The following COL21A1 variants were observed in gnomAD, a reference collection of about 807,000 sequenced individuals.
The protein encoded by COL21A1 is collagen alpha-1(XXI) chain.
In COL21A1, 149 loss-of-function variants were observed where a neutral mutation model predicts 137.9. The ratio of observed to expected loss-of-function variants is 1.08; its 90% CI spans 0.95 to 1.24. The LOEUF (loss-of-function observed/expected upper bound fraction) is 1.24. Ranked by LOEUF, COL21A1 falls within the 50% of genes most tolerant of loss-of-function variation. The pLI is 0.00. For missense variants in COL21A1, 1,167 were observed against 1,158.4 expected (o/e 1.01, Z -0.11); for synonymous variants, 456 against 391.5 (o/e 1.16, Z -1.95).
At chr6:56,356,371 G>T (rs947999553) in intron 1 of COL21A1, among the ~76,000 whole-genome samples, 1 of 152,080 alleles carries the variant, frequency 6.6e-6, no homozygotes, top group Non-Finnish European at 1.5e-5. Flanking sequence ...TGTGAACTGC[G>T]ACATATTTAG....
intron 1 of COL21A1, among the ~76,000 whole-genome samples, chr6:56,380,963 C>T (rs978380300): frequency 4.6e-5 from 7 of 152,024 alleles, no homozygotes; most frequent in African/African-American, 1.4e-4. Context: ...TACAGAACAA[C>T]GTTACATATT....
At chr6:56,322,041 TG>T (rs1294480905) in intron 1 of COL21A1, among the ~76,000 whole-genome samples, 6 of 152,106 alleles carry the variant, frequency 3.9e-5, no homozygotes, top group Admixed American at 3.9e-4. Context: ...ACCAGCTAAG[TG>T]GTTGGACTGA....
chr6:56,098,546 TAA>T (rs1183344427), intron 17 of COL21A1, among the ~76,000 whole-genome samples: 1 of 28,694 alleles, frequency 3.5e-5, no homozygotes, highest in East Asian at 1.7e-3. Flanking sequence ...TATAAATATA[TAA>T]ATATATATAA....
chr6:56,301,134 T>G (rs1215485612), intron 1 of COL21A1, among the ~76,000 whole-genome samples: 1 of 152,136 alleles, frequency 6.6e-6, no homozygotes, highest in African/African-American at 2.4e-5. Flanking sequence ...CATCCTAATC[T>G]CTGGAACCTG....
chr6:56,393,427 A>G (rs1180579340), intron 1 of COL21A1, among the ~76,000 whole-genome samples: 2 of 152,132 alleles, frequency 1.3e-5, no homozygotes, highest in Non-Finnish European at 2.9e-5. Flanking sequence ...TCTCCAGAAT[A>G]TTGGTCTGGG....
At chr6:56,189,866 A>G (rs1013402732) in intron 1 of COL21A1, among the ~76,000 whole-genome samples, 15 of 152,194 alleles carry the variant, frequency 9.9e-5, no homozygotes, top group Non-Finnish European at 1.6e-4. Flanking sequence ...ATCCAGCCAA[A>G]CTAAGCTTCA....
intron 17 of COL21A1, among the ~76,000 whole-genome samples, chr6:56,085,849 A>G (rs1420366327): frequency 6.6e-6 from 1 of 150,986 alleles, no homozygotes; most frequent in Admixed American, 6.6e-5. Context: ...TGTTCTTTAT[A>G]TATTTTTTTC....
At chr6:56,184,866 C>G (rs1262516279) in intron 1 of COL21A1, among the ~76,000 whole-genome samples, 3 of 152,098 alleles carry the variant, frequency 2.0e-5, no homozygotes, top group Admixed American at 2.0e-4. Context: ...AGGACTTTGG[C>G]TATTTCACCT....
intron 14 of COL21A1, among the ~76,000 whole-genome samples, chr6:56,124,938 C>A (rs1391111065): frequency 1.3e-5 from 2 of 151,788 alleles, no homozygotes; most frequent in African/African-American, 4.8e-5. Flanking sequence ...AGCCACCGCG[C>A]CCGGCCTTCA....
chr6:56,326,256 A>T lies in COL21A1; in HGVS notation c.-39+67715T>A, dbSNP rs567392308. On this transcript the variant is annotated intron_variant, in intron 1 of 28. Coordinates refer to the COL21A1 transcript ENST00000370819. ...TAATTAAGTTTTAAAAACCTTTTGA[A>T]CATACTGAAAGTAATCAATGGAGGT... Among the ~76,000 whole-genome samples the T allele has an allele frequency of 1.9e-4, 28 of 151,184 alleles. No individual in the cohort carries two copies. In the South Asian group the frequency reaches 3.5e-3, roughly 19 times the overall value.
chr6:56,159,716 T>C (rs1308694526), intron 9 of COL21A1, among the ~76,000 whole-genome samples: 1 of 148,220 alleles, frequency 6.7e-6, no homozygotes, highest in Non-Finnish European at 1.5e-5. Flanking sequence ...ATGCTTCAAA[T>C]ACAATCTGTC....
chr6:56,147,210 C>T (rs1357357393), intron 10 of COL21A1, among the ~76,000 whole-genome samples: 2 of 152,060 alleles, frequency 1.3e-5, no homozygotes, highest in Admixed American at 1.3e-4. Context: ...CAAAGAGAGG[C>T]GATCAATAGC....
At chr6:56,209,232 G>A (rs1582647033) in intron 1 of COL21A1, among the ~76,000 whole-genome samples, 1 of 152,304 alleles carries the variant, frequency 6.6e-6, no homozygotes, top group East Asian at 1.9e-4. Context: ...AAGCCTTTAT[G>A]ACTAAAACAC....
chr6:56,180,274 G>A (rs1051438664), intron 2 of COL21A1, 145 bp from the exon 3 acceptor site: 30 of 703,358 alleles, frequency 4.3e-5, no homozygotes, highest in Admixed American at 1.7e-4. Context: ...TAATGCTAAC[G>A]TGAAATATTA....
At chr6:56,129,666 ACGTG>A (rs1299536505) in intron 12 of COL21A1, among the ~76,000 whole-genome samples, 3 of 108,854 alleles carry the variant, frequency 2.8e-5, no homozygotes, top group South Asian at 3.8e-4. Flanking sequence ...TTCCTCTGTC[ACGTG>A]CGTGCGTGTG....
chr6:56,177,548 C>A (rs80085764), intron 3 of COL21A1, among the ~76,000 whole-genome samples: 1 of 152,088 alleles, frequency 6.6e-6, no homozygotes, highest in East Asian at 1.9e-4. Flanking sequence ...AATCCCAGCA[C>A]TTTGGGAGGC....
At chr6:56,331,058 C>G (rs1409754508) in intron 1 of COL21A1, among the ~76,000 whole-genome samples, 1 of 152,016 alleles carries the variant, frequency 6.6e-6, no homozygotes, top group Non-Finnish European at 1.5e-5. Flanking sequence ...TCATGTGGAG[C>G]ATTTTTTCAT....
intron 1 of COL21A1, among the ~76,000 whole-genome samples, chr6:56,374,783 A>ATTC (rs1413999060): frequency 2.0e-5 from 3 of 152,120 alleles, no homozygotes; most frequent in Non-Finnish European, 4.4e-5. Context: ...GAATGTTTGT[A>ATTC]AAAAAGACAT....
At chr6:56,098,611 A>G (rs1770028722) in intron 17 of COL21A1, among the ~76,000 whole-genome samples, 1 of 60,854 alleles carries the variant, frequency 1.6e-5, no homozygotes, top group African/African-American at 9.5e-5. Context: ...ATATAAATAT[A>G]TATAAATATA....
Sources: gnomAD v4.1 joint callset for allele counts (sites outside exome capture counted in the v4.1 genomes callset) on GRCh38, gnomAD v4.1.1 for gene constraint, MANE v1.5 for transcripts, NCBI Gene and HGNC (gene_info 2026-07-23, HGNC 2026-07-21) for gene names.